TBC1D22A: variants seen among roughly 807,000 people sequenced by gnomAD.
TBC1D22A encodes putative GTPase activator.
TBC1D22A carries 38 observed loss-of-function variants against 60.2 expected under a neutral mutation model. The ratio of observed to expected loss-of-function variants is 0.63; its 90% CI spans 0.49 to 0.83. TBC1D22A has a LOEUF of 0.83. TBC1D22A is among the 40% of genes least tolerant of loss of function. TBC1D22A has a pLI of 0.00. For synonymous variants in TBC1D22A, 302 were observed against 281.7 expected, an observed-to-expected ratio of 1.07 and a Z score of -0.72; for missense variants, 628 against 701.0, an observed-to-expected ratio of 0.90 and a Z score of 1.18.
At chr22:46,960,954 C>CAAAAAAAAA (rs397868006) in intron 8 of TBC1D22A, among the ~76,000 whole-genome samples, 2 of 47,756 alleles carry the variant, frequency 4.2e-5, no homozygotes, top group African/African-American at 7.4e-5. Context: ...GACACCATCT[C>CAAAAAAAAA]AAAAAAAAAA....
At chr22:46,941,206 T>TACACACACACACACACACACACAC (rs1555959638) in intron 8 of TBC1D22A, among the ~76,000 whole-genome samples, 3 of 55,792 alleles carry the variant, frequency 5.4e-5, no homozygotes, top group Admixed American at 1.9e-4. Context: ...TGTATATATG[T>TACACACACACACACACACACACAC]ATACACACAC....
intron 4 of TBC1D22A, among the ~76,000 whole-genome samples, chr22:46,800,210 G>A (rs1426195150): frequency 6.6e-6 from 1 of 152,132 alleles, no homozygotes; most frequent in Non-Finnish European, 1.5e-5. Flanking sequence ...AACAACTTGA[G>A]AACGTTTCTT....
intron 8 of TBC1D22A, among the ~76,000 whole-genome samples, chr22:46,924,769 A>G (rs1031822357): frequency 4.6e-5 from 7 of 152,000 alleles, no homozygotes; most frequent in Non-Finnish European, 8.8e-5. Context: ...AAACAAAAAC[A>G]TTATATTCCT....
chr22:46,811,768 A>G (rs936269441), intron 4 of TBC1D22A, among the ~76,000 whole-genome samples: 4 of 152,146 alleles, frequency 2.6e-5, no homozygotes, highest in African/African-American at 9.7e-5. Context: ...GTTTCAGAAG[A>G]AGGCAGTGGT....
intron 1 of TBC1D22A, among the ~76,000 whole-genome samples, 179 bp from the exon 2 acceptor site, chr22:46,792,341 C>G (rs1172956789): frequency 6.6e-6 from 1 of 152,116 alleles, no homozygotes; most frequent in African/African-American, 2.4e-5. Flanking sequence ...TGCCACTCAT[C>G]CCTTCTGAAC....
At chr22:47,023,065 C>T (rs961849100) in intron 10 of TBC1D22A, among the ~76,000 whole-genome samples, 1 of 152,092 alleles carries the variant, frequency 6.6e-6, no homozygotes, top group African/African-American at 2.4e-5. Context: ...AGAAATGGTA[C>T]AGATGTTAGA....
chr22:46,926,647 A>G (rs2071065696), intron 8 of TBC1D22A, among the ~76,000 whole-genome samples: 1 of 152,192 alleles, frequency 6.6e-6, no homozygotes, highest in Admixed American at 6.5e-5. Flanking sequence ...TACCCTCCAC[A>G]ATGTAGGTGG....
chr22:47,136,457 AGTTTGT>A (rs2066876143), intron 12 of TBC1D22A, among the ~76,000 whole-genome samples: 2 of 152,192 alleles, frequency 1.3e-5, no homozygotes, highest in African/African-American at 4.8e-5. Flanking sequence ...GGTTGTCCTC[AGTTTGT>A]GTGTGAAATA....
Position 47,111,544 on chromosome 22 carries a change from G to C in TBC1D22A, c.1366G>C (p.Val456Leu). Reference protein sequence around the residue: ...PDGFSHFHLYVCAAFLVRWRK... With the variant: ...PDGFSHFHLYLCAAFLVRWRK... ...CGGCTTTTCTCATTTCCACTTGTACGTGTGCGCTGCTTTTCTCGTGAGATG... is the reference window on the plus strand; with the variant it reads ...CGGCTTTTCTCATTTCCACTTGTACCTGTGCGCTGCTTTTCTCGTGAGATG... The change falls in exon 12 of 13, where the codon GTG becomes CTG. Residue 456 changes from valine (V) to leucine (L), a missense_variant. Physicochemically the swap from Val to Leu is conservative, Grantham distance 32. Coordinates refer to ENST00000337137, the MANE Select transcript of TBC1D22A (RefSeq NM_014346.5). 6.2e-7 allele frequency: 1 copy of C among 1,614,064 alleles called. No homozygotes were observed. Among genetic ancestry groups the C allele is most frequent in the Non-Finnish European group, 8.5e-7 (1 of 1,180,006 alleles).
intron 10 of TBC1D22A, among the ~76,000 whole-genome samples, chr22:47,022,719 G>T (rs2062130915): frequency 6.6e-6 from 1 of 152,188 alleles, no homozygotes; most frequent in East Asian, 1.9e-4. Flanking sequence ...TGGAAACTGT[G>T]TCTGTTCTCC....
intron 3 of TBC1D22A, among the ~76,000 whole-genome samples, 175 bp downstream of exon 3, chr22:46,794,016 T>C (rs2146907078): frequency 6.6e-6 from 1 of 152,286 alleles, no homozygotes; most frequent in East Asian, 1.9e-4. Context: ...CCTGCGCTCT[T>C]TCCTAGGGCC....
At chr22:47,091,582 T>C (rs542197279) in intron 11 of TBC1D22A, among the ~76,000 whole-genome samples, 78 of 151,410 alleles carry the variant, frequency 5.2e-4, no homozygotes, top group Admixed American at 2.5e-3. Flanking sequence ...TGCGTGTTGA[T>C]AGAGACAGGC....
chr22:46,860,468 C>T (rs1602193829), intron 4 of TBC1D22A, among the ~76,000 whole-genome samples: 5 of 72,982 alleles, frequency 6.9e-5, no homozygotes, highest in South Asian at 4.8e-4. Flanking sequence ...TAGAGGTCCG[C>T]GCAGTGCTGT....
At chr22:47,069,629 T>C (rs905169670) in intron 11 of TBC1D22A, among the ~76,000 whole-genome samples, 39 of 147,336 alleles carry the variant, frequency 2.6e-4, no homozygotes, top group Non-Finnish European at 5.8e-4. Flanking sequence ...GGTTGGACGC[T>C]GTTCCCTGTT....
chr22:46,801,116 C>A (rs1408180557), intron 4 of TBC1D22A, among the ~76,000 whole-genome samples: 3 of 152,172 alleles, frequency 2.0e-5, no homozygotes, highest in Non-Finnish European at 4.4e-5. Context: ...GTTGAGGGGA[C>A]TGTGGGTTTT....
chr22:46,938,514 T>A (rs1334098230), intron 8 of TBC1D22A, among the ~76,000 whole-genome samples: 3 of 152,016 alleles, frequency 2.0e-5, no homozygotes, highest in African/African-American at 7.3e-5. Context: ...TATTTTTTTT[T>A]ATCTTTATCT....
chr22:47,156,862 A>G (rs111597787), intron 12 of TBC1D22A, among the ~76,000 whole-genome samples: 2,174 of 152,322 alleles, frequency 0.014, 37 homozygotes, highest in African/African-American at 0.049. Context: ...CAGGGTCTGC[A>G]TGCTGCACCC....
intron 4 of TBC1D22A, among the ~76,000 whole-genome samples, chr22:46,864,516 T>G (rs1290135325): frequency 6.6e-6 from 1 of 152,264 alleles, no homozygotes; most frequent in African/African-American, 2.4e-5. Context: ...TCAGGCCTCC[T>G]GTACTTTGCC....
chr22:46,994,159 C>A (rs1156436736), intron 9 of TBC1D22A, among the ~76,000 whole-genome samples: 2 of 152,178 alleles, frequency 1.3e-5, no homozygotes, highest in African/African-American at 4.8e-5. Context: ...TCCGTCTTCC[C>A]TACCTGGGTT....
Sources: gnomAD v4.1 joint callset for allele counts (sites outside exome capture counted in the v4.1 genomes callset) on GRCh38, gnomAD v4.1.1 for gene constraint, MANE v1.5 for transcripts, NCBI Gene and HGNC (gene_info 2026-07-23, HGNC 2026-07-21) for gene names.